The following RALY variants were observed in gnomAD, a reference collection of about 807,000 sequenced individuals.
The protein encoded by RALY is RALY heterogeneous nuclear ribonucleoprotein, also known as RNA-binding protein Raly.
RALY carries 15 observed loss-of-function variants against 30.7 expected under a neutral mutation model. That is an observed-to-expected ratio of 0.49 (90% CI 0.33 to 0.75). RALY has a LOEUF of 0.75. Ranked by LOEUF, RALY falls within the 30% of genes least tolerant of loss-of-function variation. The pLI, the probability that RALY is intolerant of heterozygous loss-of-function variation, is 0.02. For synonymous variants in RALY, 177 were observed against 170.8 expected (o/e 1.04, Z -0.28); for missense variants, 339 against 414.3 (o/e 0.82, Z 1.58).
chr20:33,997,462 G>GT, intron 1 of RALY, among the ~76,000 whole-genome samples: 1 of 152,070 alleles, frequency 6.6e-6, no homozygotes, highest in Non-Finnish European at 1.5e-5. Context: ...CCCTCACCTT[G>GT]TTTGCACCTG....
intron 1 of RALY, among the ~76,000 whole-genome samples, chr20:34,030,533 A>G (rs2032227655): frequency 6.6e-6 from 1 of 152,218 alleles, no homozygotes; most frequent in African/African-American, 2.4e-5. Context: ...AGAGTCCTTG[A>G]AAGTTTGTCT....
In RALY at chr20:34,025,878, T is replaced by G. The variant is rs546175096; in HGVS notation, c.-92-5644T>G. On this transcript the variant is annotated intron_variant, in intron 1 of 9. Coordinates refer to ENST00000246194, the MANE Select transcript of RALY (RefSeq NM_016732.3). Reference sequence around the variant, plus strand: ...CACTTCCTGGCTCCTTTCCCTAGCTTCCAGCAGTAGATTCCTGGTTGTTTT... The same window carrying G: ...CACTTCCTGGCTCCTTTCCCTAGCTGCCAGCAGTAGATTCCTGGTTGTTTT... Among the ~76,000 whole-genome samples, 8 of 144,802 alleles carry G rather than the reference T, an allele frequency of 5.5e-5. No individual in the cohort carries two copies. The East Asian group carries it at 1.7e-3, about 31-fold the overall frequency. 95.0% of individuals were successfully genotyped at this position (144,802 alleles called of 152,430 possible). A position where few individuals can be genotyped will look rare whatever the true frequency, so the allele number is the denominator to read the frequency against.
At chr20:34,004,482 A>C (rs2031070347) in intron 1 of RALY, among the ~76,000 whole-genome samples, 1 of 152,218 alleles carries the variant, frequency 6.6e-6, no homozygotes, top group Non-Finnish European at 1.5e-5. Context: ...CATTCTGTGC[A>C]ATGGGAACAA....
intron 2 of RALY, among the ~76,000 whole-genome samples, chr20:34,061,895 G>T (rs149995276): frequency 9.5e-4 from 145 of 152,284 alleles, no homozygotes; most frequent in African/African-American, 3.3e-3. Flanking sequence ...CCTTGTCACT[G>T]TACTTTCTCT....
chr20:34,074,578 A>T (rs924293144), intron 5 of RALY, among the ~76,000 whole-genome samples: 1 of 151,084 alleles, frequency 6.6e-6, no homozygotes, highest in African/African-American at 2.4e-5. Flanking sequence ...GAGTCGTTTC[A>T]GGAGACAGTG....
chr20:34,039,777 G>T (rs1302170100), intron 2 of RALY, among the ~76,000 whole-genome samples: 1 of 152,146 alleles, frequency 6.6e-6, no homozygotes. Flanking sequence ...ATTCCTGCCA[G>T]TACTAGCTTA....
chr20:34,024,825 A>T (rs183359049), intron 1 of RALY, among the ~76,000 whole-genome samples: 1 of 152,194 alleles, frequency 6.6e-6, no homozygotes, highest in African/African-American at 2.4e-5. Flanking sequence ...GGCATAGGCA[A>T]CCATACAGTA....
intron 1 of RALY, among the ~76,000 whole-genome samples, chr20:34,019,619 G>C (rs1459197421): frequency 6.6e-6 from 1 of 152,212 alleles, no homozygotes; most frequent in African/African-American, 2.4e-5. Context: ...TGGGTGCTCT[G>C]TTAGGTACTG....
intron 1 of RALY, among the ~76,000 whole-genome samples, chr20:34,028,705 CAAAAAAAAAAAAAAAAAA>C (rs71338492): frequency 9.8e-5 from 2 of 20,436 alleles, no homozygotes; most frequent in African/African-American, 1.2e-4. Flanking sequence ...GACTCCATCT[CAAAAAAAAAAAAAAAAAA>C]AAAAAAAAAA....
intron 9 of RALY, 49 bp downstream of exon 9, chr20:34,078,602 G>T: frequency 1.4e-6 from 2 of 1,477,508 alleles, no homozygotes; most frequent in East Asian, 5.1e-5. Context: ...TCAGTGAAGT[G>T]GAGGTTGTGC....
chr20:34,025,297 C>G (rs976592605), intron 1 of RALY, among the ~76,000 whole-genome samples: 5 of 71,406 alleles, frequency 7.0e-5, no homozygotes, highest in African/African-American at 3.4e-4. Flanking sequence ...CAACACGTCT[C>G]TCTCTCTCTC....
At chr20:33,997,887 T>G (rs897440708) in intron 1 of RALY, among the ~76,000 whole-genome samples, 6 of 152,268 alleles carry the variant, frequency 3.9e-5, no homozygotes, top group African/African-American at 1.2e-4. Context: ...ATGTGTCTGG[T>G]CATGTCACAC....
chr20:34,025,682 AT>A (rs779020697), intron 1 of RALY, among the ~76,000 whole-genome samples: 199 of 146,852 alleles, frequency 1.4e-3, no homozygotes, highest in African/African-American at 4.8e-3. Flanking sequence ...GGGACATGCT[AT>A]TTTAAAAAAA....
chr20:34,068,687 A>C (rs1432008214), intron 2 of RALY, among the ~76,000 whole-genome samples: 2 of 152,220 alleles, frequency 1.3e-5, no homozygotes, highest in Non-Finnish European at 2.9e-5. Flanking sequence ...CTGGAATACC[A>C]TGTCTTAATT....
chr20:34,054,378 T>C (rs2033174283), intron 2 of RALY, among the ~76,000 whole-genome samples: 1 of 152,084 alleles, frequency 6.6e-6, no homozygotes, highest in Non-Finnish European at 1.5e-5. Flanking sequence ...GCAGTAGAGG[T>C]CAGCAGAGAG....
intron 2 of RALY, among the ~76,000 whole-genome samples, chr20:34,057,571 G>A (rs1360482895): frequency 2.6e-5 from 4 of 151,226 alleles, no homozygotes; most frequent in Admixed American, 1.3e-4. Flanking sequence ...GGAGGCTGAG[G>A]CAGGAGAATG....
chr20:34,030,555 C>T (rs1055862148), intron 1 of RALY, among the ~76,000 whole-genome samples: 2 of 152,162 alleles, frequency 1.3e-5, no homozygotes, highest in African/African-American at 4.8e-5. Flanking sequence ...AGCTAGAATC[C>T]AGGTGATCTA....
At chr20:34,078,443 C>T (rs2033954890) in intron 8 of RALY, 62 bp from the exon 9 acceptor site, 1 of 1,432,580 alleles carries the variant, frequency 7.0e-7, no homozygotes, top group Admixed American at 2.5e-5. Context: ...ACAAATGGCT[C>T]AGGGCAGGAC....
Position 34,084,458 on chromosome 20 carries a change from G to A in RALY, c.*4553G>A, listed in dbSNP as rs532395686. On this transcript the variant is annotated 3_prime_UTR_variant, in exon 10 of 10. Coordinates refer to ENST00000246194, the MANE Select transcript of RALY (RefSeq NM_016732.3). ...TGGCTAACAAAAACAGGCATCCACT[G>A]TGTGGTTATGTCTATTCTATAGATT... The A allele has an allele frequency of 2.6e-5, 4 of 152,282 alleles. No homozygotes were observed. Among genetic ancestry groups the A allele is most frequent in the African/African-American group, 7.2e-5 (3 of 41,462 alleles). The allele number at this position is 152,282 out of a possible 1,614,324, so 9.4% of individuals were successfully genotyped here.
Sources: gnomAD v4.1 joint callset for allele counts (sites outside exome capture counted in the v4.1 genomes callset) on GRCh38, gnomAD v4.1.1 for gene constraint, MANE v1.5 for transcripts, NCBI Gene and HGNC (gene_info 2026-07-23, HGNC 2026-07-21) for gene names.